Variants in TET3 observed in about 807,000 individuals in gnomAD.
TET3 encodes methylcytosine dioxygenase TET3.
In TET3, 19 loss-of-function variants were observed where a neutral mutation model predicts 141.4. The observed-to-expected ratio is 0.13, with a 90% CI of 0.09 to 0.20. TET3 has a LOEUF of 0.20. Among genes scored for constraint, TET3 ranks in the 10% least tolerant of loss-of-function variants. The pLI is 1.00. For missense variants in TET3, 1,874 were observed against 2,356.9 expected (o/e 0.80, Z 4.24); for synonymous variants, 1,043 against 980.9 (o/e 1.06, Z -1.18).
chr2:74,060,803 T>G (rs1036124702), intron 4 of TET3, among the ~76,000 whole-genome samples: 3 of 152,204 alleles, frequency 2.0e-5, no homozygotes, highest in Non-Finnish European at 2.9e-5. Context: ...TAACCCTGAG[T>G]GGACATAGCA....
chr2:74,113,671 G>T, the TET3 span, among the ~76,000 whole-genome samples: 2 of 150,850 alleles, frequency 1.3e-5, no homozygotes, highest in South Asian at 4.2e-4. Flanking sequence ...AGCTGAAAAA[G>T]AAATCAAGAA....
chr2:74,023,852 G>T (rs552022732), intron 3 of TET3, among the ~76,000 whole-genome samples: 53 of 151,974 alleles, frequency 3.5e-4, no homozygotes, highest in Admixed American at 2.2e-3. Flanking sequence ...CTTGTCAGAG[G>T]TTTGTTTGTT....
At chr2:74,019,960 C>A (rs888030343) in intron 3 of TET3, among the ~76,000 whole-genome samples, 2 of 152,212 alleles carry the variant, frequency 1.3e-5, no homozygotes, top group Admixed American at 6.5e-5. Context: ...ACAAACTTAT[C>A]TGCAGCTTCC....
chr2:74,135,376 T>C, the TET3 span: 1 of 767,076 alleles, frequency 1.3e-6, no homozygotes, highest in Non-Finnish European at 2.1e-6. Context: ...TTGGCCAAAA[T>C]AAAGGAACCT....
chr2:74,133,767 C>T, the TET3 span, among the ~76,000 whole-genome samples: 445 of 152,192 alleles, frequency 2.9e-3, 6 homozygotes, highest in African/African-American at 0.01. Context: ...TTTTTTGAGA[C>T]GGAGTCTTGC....
rs58804922 is a variant in TET3, at chr2:74,039,322, C to T, written c.361-6956C>T. 1.9e-4 allele frequency among the ~76,000 whole-genome samples: 29 copies of T among 152,330 alleles called. No homozygotes were observed. In the East Asian group the frequency reaches 5.6e-3, roughly 29 times the overall value. On this transcript the variant is annotated intron_variant, in intron 3 of 11. Transcript: ENST00000409262. The stretch of plus-strand genomic sequence containing the variant: ...ATACCTGCTACTTTCTCCAGCCTCT[C>T]TGAGATTTCTTTGAGATAAAACCTT...
intron 2 of TET3, among the ~76,000 whole-genome samples, chr2:73,999,528 A>T (rs1684745958): frequency 6.6e-6 from 1 of 152,092 alleles, no homozygotes; most frequent in South Asian, 2.1e-4. Flanking sequence ...ACCTGTGGGT[A>T]TCCATGTTCC....
chr2:74,061,791 G>A (rs1276013170), intron 4 of TET3, among the ~76,000 whole-genome samples: 1 of 139,784 alleles, frequency 7.2e-6, no homozygotes, highest in South Asian at 2.2e-4. Flanking sequence ...GGTCGCGGCC[G>A]GGTAGAGGCG....
At chr2:74,070,432 A>C (rs771921705) in intron 4 of TET3, among the ~76,000 whole-genome samples, 29 of 152,160 alleles carry the variant, frequency 1.9e-4, no homozygotes, top group Non-Finnish European at 3.5e-4. Flanking sequence ...GTTATCTCTC[A>C]CTGGGTCCCT....
rs142513057 is a variant in TET3, at chr2:74,068,148, G to A, written c.2495-5401G>A. On this transcript the variant is annotated intron_variant, in intron 4 of 11. Coordinates refer to ENST00000409262, the MANE Select transcript of TET3 (RefSeq NM_001287491.2). The stretch of plus-strand genomic sequence containing the variant: ...CTACTTTGATCAGGTCAGGTCATCT[G>A]CCTGGCTGCACACTCCATGGCTGTT... Among the ~76,000 whole-genome samples the A allele has an allele frequency of 7.7e-3, 1,167 of 152,092 alleles. 15 individuals are homozygous for A. The highest frequency in any genetic ancestry group is 0.026 in the African/African-American group (1,097 of 41,476).
Position 74,106,027 on chromosome 2 carries a change from G to C in TET3, c.*3851G>C, listed in dbSNP as rs1691479759. Reference sequence around the variant, plus strand: ...ATGTGACTGTCCCTGATCCTGTCTTGCTGAGGTGCTATCAACGTTCTGAAA... The same window carrying C: ...ATGTGACTGTCCCTGATCCTGTCTTCCTGAGGTGCTATCAACGTTCTGAAA... On this transcript the variant is annotated 3_prime_UTR_variant, in exon 12 of 12. Coordinates refer to ENST00000409262, the MANE Select transcript of TET3 (RefSeq NM_001287491.2). 6.6e-6 allele frequency: 1 copy of C among 152,604 alleles called. No individual in the cohort carries two copies. The highest frequency in any genetic ancestry group is 2.4e-5 in the African/African-American group (1 of 41,318). 9.5% of individuals were successfully genotyped at this position (152,604 alleles called of 1,614,324 possible).
intron 3 of TET3, among the ~76,000 whole-genome samples, chr2:74,037,745 A>G (rs1178268853): frequency 6.6e-6 from 1 of 152,152 alleles, no homozygotes; most frequent in African/African-American, 2.4e-5. Context: ...TCCTCTTGTA[A>G]CTTCCCCTTT....
At chr2:74,130,361 T>A in the TET3 span, among the ~76,000 whole-genome samples, 1 of 152,106 alleles carries the variant, frequency 6.6e-6, no homozygotes. Flanking sequence ...TGCCTAAGGG[T>A]AGAGCTGACT....
chr2:74,110,527 A>C (rs1281436251), downstream of TET3, among the ~76,000 whole-genome samples: 2 of 152,038 alleles, frequency 1.3e-5, no homozygotes, highest in Non-Finnish European at 2.9e-5. Flanking sequence ...AGCCCTAAAA[A>C]CATGTTCGAC....
chr2:74,077,716 C>T (rs955896043), intron 5 of TET3, among the ~76,000 whole-genome samples: 20 of 152,192 alleles, frequency 1.3e-4, no homozygotes, highest in African/African-American at 4.8e-4. Context: ...ACATGTTTCT[C>T]ACAGGGGCGG....
At chr2:73,990,223 A>G (rs1173714056) in intron 2 of TET3, among the ~76,000 whole-genome samples, 1 of 151,426 alleles carries the variant, frequency 6.6e-6, no homozygotes, top group Non-Finnish European at 1.5e-5. Flanking sequence ...CTAAAAAAAA[A>G]AAAAAATTAG....
chr2:74,089,190 G>A (rs143634900), intron 7 of TET3, among the ~76,000 whole-genome samples: 18 of 152,020 alleles, frequency 1.2e-4, no homozygotes, highest in African/African-American at 3.6e-4. Flanking sequence ...GGCAGTCACC[G>A]GTCTTGTTTC....
intron 2 of TET3, among the ~76,000 whole-genome samples, chr2:73,995,532 T>C (rs537788875): frequency 2.0e-5 from 3 of 152,326 alleles, no homozygotes; most frequent in Middle Eastern, 3.4e-3. Context: ...ACCTGAGCCC[T>C]CTAATATAGT....
intron 4 of TET3, among the ~76,000 whole-genome samples, chr2:74,070,484 T>C (rs1689144860): frequency 6.6e-6 from 1 of 152,112 alleles, no homozygotes; most frequent in South Asian, 2.1e-4. Context: ...CAAGATGAGA[T>C]TTGGGTGGGG....
Sources: gnomAD v4.1 joint callset for allele counts (sites outside exome capture counted in the v4.1 genomes callset) on GRCh38, gnomAD v4.1.1 for gene constraint, MANE v1.5 for transcripts, NCBI Gene and HGNC (gene_info 2026-07-23, HGNC 2026-07-21) for gene names.